The following HDAC9 variants were observed in gnomAD, a reference collection of about 807,000 sequenced individuals.
The protein encoded by HDAC9 is MEF-2 interacting transcription repressor (MITR) protein.
A neutral mutation model predicts 139.4 loss-of-function variants in HDAC9; 41 were observed. The ratio of observed to expected loss-of-function variants is 0.29; its 90% CI spans 0.23 to 0.38. The LOEUF (loss-of-function observed/expected upper bound fraction) is 0.38, where lower values mean the gene tolerates loss of function less well. Among genes scored for constraint, HDAC9 ranks in the 10% least tolerant of loss-of-function variants. The probability of loss-of-function intolerance (pLI) is 1.00; values close to 1 mark genes in which losing one functional copy is unlikely to be tolerated. For synonymous variants in HDAC9, 517 were observed against 476.2 expected (o/e 1.09, Z -1.12); for missense variants, 1,147 against 1,297.0 (o/e 0.88, Z 1.78).
At chr7:18,517,455 G>C (rs951442204) in intron 2 of HDAC9, among the ~76,000 whole-genome samples, 5 of 152,154 alleles carry the variant, frequency 3.3e-5, no homozygotes, top group South Asian at 2.1e-4. Flanking sequence ...TGTGTGATGC[G>C]AGAGCTGCCT....
At chr7:18,603,056 C>G (rs1044967552) in intron 6 of HDAC9, among the ~76,000 whole-genome samples, 6 of 152,070 alleles carry the variant, frequency 3.9e-5, no homozygotes, top group Non-Finnish European at 5.9e-5. Flanking sequence ...GTAACAAACA[C>G]CACTTTTATC....
chr7:18,180,250 C>T (rs559678714), intron 2 of HDAC9, among the ~76,000 whole-genome samples: 1 of 150,372 alleles, frequency 6.7e-6, no homozygotes, highest in East Asian at 1.9e-4. Flanking sequence ...CACACACACA[C>T]ACACACACAC....
chr7:18,230,666 A>G (rs1171949579), intron 2 of HDAC9, among the ~76,000 whole-genome samples: 2 of 152,180 alleles, frequency 1.3e-5, no homozygotes, highest in Non-Finnish European at 2.9e-5. Context: ...TTTTATATGC[A>G]ATGTTAATGG....
intron 2 of HDAC9, among the ~76,000 whole-genome samples, chr7:18,220,434 C>T (rs1418508014): frequency 2.0e-5 from 3 of 152,086 alleles, no homozygotes; most frequent in African/African-American, 7.2e-5. Context: ...GGAACCAGCT[C>T]TTAAGTGTAT....
At chr7:18,755,054 G>A (rs556447912) in intron 14 of HDAC9, among the ~76,000 whole-genome samples, 65 of 152,228 alleles carry the variant, frequency 4.3e-4, no homozygotes, top group Non-Finnish European at 8.5e-4. Flanking sequence ...AATTTTATGT[G>A]TTTGTGCCTT....
intron 2 of HDAC9, among the ~76,000 whole-genome samples, chr7:18,573,330 G>C (rs1401223700): frequency 6.6e-6 from 1 of 152,032 alleles, no homozygotes; most frequent in Non-Finnish European, 1.5e-5. Flanking sequence ...TAATGTTATC[G>C]TAACTAGTGG....
intron 25 of HDAC9, among the ~76,000 whole-genome samples, chr7:18,990,162 G>A (rs533200677): frequency 2.0e-5 from 3 of 152,108 alleles, no homozygotes. Flanking sequence ...TTTCTGCTCT[G>A]TTTTTTCCCC....
intron 2 of HDAC9, among the ~76,000 whole-genome samples, chr7:18,229,256 T>C (rs1189113534): frequency 6.6e-6 from 1 of 152,216 alleles, no homozygotes; most frequent in East Asian, 1.9e-4. Flanking sequence ...TTCTTTGTAA[T>C]GCCACTGTGT....
chr7:18,266,907 C>G (rs1197443621), intron 2 of HDAC9, among the ~76,000 whole-genome samples: 1 of 151,896 alleles, frequency 6.6e-6, no homozygotes, highest in Non-Finnish European at 1.5e-5. Flanking sequence ...TGGAGCCATC[C>G]AATTTTAGAG....
chr7:18,791,979 T>G (rs985933903), intron 16 of HDAC9, among the ~76,000 whole-genome samples: 1 of 152,160 alleles, frequency 6.6e-6, no homozygotes, highest in Non-Finnish European at 1.5e-5. Context: ...GTTTTAATGA[T>G]GAAGCCATGA....
chr7:18,217,008 G>A (rs1051702041), intron 2 of HDAC9, among the ~76,000 whole-genome samples: 31 of 152,148 alleles, frequency 2.0e-4, no homozygotes, highest in African/African-American at 7.0e-4. Context: ...TTCTAAAACA[G>A]ATTTTTAAAA....
chr7:18,760,570 T>C (rs1350066959), intron 14 of HDAC9, among the ~76,000 whole-genome samples: 3 of 152,216 alleles, frequency 2.0e-5, no homozygotes, highest in African/African-American at 4.8e-5. Context: ...TTTATAGTAA[T>C]TTGAATTGGG....
intron 16 of HDAC9, among the ~76,000 whole-genome samples, chr7:18,789,310 AGT>A (rs1491119839): frequency 1.3e-5 from 2 of 149,258 alleles, no homozygotes; most frequent in South Asian, 2.1e-4. Flanking sequence ...ACACACACAC[AGT>A]CTCTCTCTCT....
chr7:18,358,606 A>G (rs900063963), intron 1 of HDAC9, among the ~76,000 whole-genome samples: 3 of 152,220 alleles, frequency 2.0e-5, no homozygotes, highest in Non-Finnish European at 4.4e-5. Flanking sequence ...GAACATGAAG[A>G]ACTTGATAAG....
At chr7:18,471,282 G>T (rs1268780757) in intron 1 of HDAC9, among the ~76,000 whole-genome samples, 1 of 152,174 alleles carries the variant, frequency 6.6e-6, no homozygotes, top group Non-Finnish European at 1.5e-5. Flanking sequence ...GGCATACAGT[G>T]ATGGCCTGAA....
At chr7:18,754,122 A>G (rs1042792959) in intron 14 of HDAC9, among the ~76,000 whole-genome samples, 3 of 152,080 alleles carry the variant, frequency 2.0e-5, no homozygotes, top group African/African-American at 7.2e-5. Context: ...GTTTTTAATA[A>G]GTTGAGGCAG....
At chr7:18,595,647 A>T (rs1334134174) in intron 6 of HDAC9, among the ~76,000 whole-genome samples, 1 of 152,050 alleles carries the variant, frequency 6.6e-6, no homozygotes, top group Non-Finnish European at 1.5e-5. Context: ...GTTACTGATG[A>T]GTGATATAGT....
At chr7:18,705,314 G>A (rs540705537) in intron 12 of HDAC9, among the ~76,000 whole-genome samples, 1 of 152,130 alleles carries the variant, frequency 6.6e-6, no homozygotes, top group Non-Finnish European at 1.5e-5. Flanking sequence ...CTAAGTGCTA[G>A]TAACACCCTT....
rs1562893610 is a variant in HDAC9 at position 18,732,918 on chromosome 7, T to TGTGTGCGTATGTGTAC, written c.1909+5161_1909+5162insGTGTGCGTATGTGTAC. 5.8e-5 allele frequency among the ~76,000 whole-genome samples: 5 copies of TGTGTGCGTATGTGTAC among 86,956 alleles called. 1 individual carries two copies. The highest frequency in any genetic ancestry group is 2.2e-4 in the African/African-American group (5 of 22,774). 57.0% of individuals were successfully genotyped at this position (86,956 alleles called of 152,430 possible). Reference sequence around the variant, plus strand: ...ACACACACACGTGTGCGTATGTGTATACACACGTGTGTATGTATGTGTATA... The same window carrying TGTGTGCGTATGTGTAC: ...ACACACACACGTGTGCGTATGTGTATGTGTGCGTATGTGTACACACACGTGTGTATGTATGTGTATA... On this transcript the variant is annotated intron_variant, in intron 13 of 25. Coordinates refer to ENST00000686413, the MANE Select transcript of HDAC9 (RefSeq NM_178425.4).
Sources: allele counts gnomAD v4.1 joint callset (sites outside exome capture counted in the v4.1 genomes callset), GRCh38; gene constraint gnomAD v4.1.1; transcripts MANE v1.5; gene names NCBI Gene and HGNC (gene_info 2026-07-23, HGNC 2026-07-21).